Variants in FANCL observed in about 807,000 individuals in gnomAD.
FANCL encodes FA complementation group L, also known as E3 ubiquitin-protein ligase FANCL.
FANCL carries 69 observed loss-of-function variants against 59.4 expected under a neutral mutation model. The observed-to-expected ratio is 1.16, with a 90% confidence interval of 0.96 to 1.42. The LOEUF (loss-of-function observed/expected upper bound fraction) is 1.42, where lower values mean the gene tolerates loss of function less well. Among genes scored for constraint, FANCL ranks in the 40% most tolerant of loss-of-function variants. The probability of loss-of-function intolerance (pLI) is 0.00; values close to 1 mark genes in which losing one functional copy is unlikely to be tolerated. For synonymous variants in FANCL, 180 were observed against 147.1 expected (o/e 1.22, Z -1.62); for missense variants, 519 against 447.2 (o/e 1.16, Z -1.45).
intron 7 of FANCL, among the ~76,000 whole-genome samples, chr2:58,171,640 T>G (rs1011144923): frequency 6.6e-6 from 1 of 152,162 alleles, no homozygotes; most frequent in Non-Finnish European, 1.5e-5. Flanking sequence ...GATGGCCGAA[T>G]AGGAACAGCT....
intron 7 of FANCL, among the ~76,000 whole-genome samples, chr2:58,186,908 C>G (rs1688457500): frequency 1.3e-5 from 2 of 152,230 alleles, no homozygotes; most frequent in Admixed American, 6.5e-5. Context: ...ATTAAAAAGT[C>G]AGGAAACAAC....
At chr2:58,187,631 A>T (rs559333147) in intron 7 of FANCL, among the ~76,000 whole-genome samples, 1 of 152,304 alleles carries the variant, frequency 6.6e-6, no homozygotes, top group East Asian at 1.9e-4. Context: ...ATTTCTAGGC[A>T]GAAAAAGACA....
chr2:58,188,104 C>T (rs1688585583), intron 7 of FANCL, among the ~76,000 whole-genome samples: 1 of 152,070 alleles, frequency 6.6e-6, no homozygotes, highest in Non-Finnish European at 1.5e-5. Flanking sequence ...GTATATGGAT[C>T]GATGAGGTCA....
intron 7 of FANCL, among the ~76,000 whole-genome samples, chr2:58,198,028 GGTGTGTGTGTGTGTGTGC>G (rs1321018817): frequency 2.0e-5 from 3 of 150,436 alleles, no homozygotes; most frequent in Admixed American, 1.3e-4. Flanking sequence ...CAGGCTGGAT[GGTGTGTGTGTGTGTGTGC>G]GTGTGTGTGT....
intron 7 of FANCL, among the ~76,000 whole-genome samples, chr2:58,189,253 T>C (rs1688695669): frequency 6.6e-6 from 1 of 152,180 alleles, no homozygotes; most frequent in African/African-American, 2.4e-5. Context: ...TTCAGTTTAC[T>C]GTATGTCAAT....
chr2:58,204,235 C>T lies in FANCL; in HGVS notation c.375-9G>A, dbSNP rs1690345045. 6.2e-7 allele frequency: 1 copy of T among 1,606,952 alleles called. No homozygotes were observed. The highest frequency in any genetic ancestry group is 1.7e-5 in the Admixed American group (1 of 59,934). On this transcript the variant is annotated splice_polypyrimidine_tract_variant and intron_variant, in intron 5 of 13. Coordinates refer to ENST00000233741, the MANE Select transcript of FANCL (RefSeq NM_018062.4). ...TATCCGCATACACAAGTCTGGTGAG[C>T]AGAGGAGAATAAAAAATGATCACAC... is the stretch of plus-strand genomic sequence containing the variant.
intron 7 of FANCL, among the ~76,000 whole-genome samples, chr2:58,191,007 G>C (rs1461129451): frequency 6.6e-6 from 1 of 151,486 alleles, no homozygotes; most frequent in East Asian, 1.9e-4. Context: ...CAACCTATTG[G>C]ATCTTTATTC....
At chr2:58,169,640 A>G (rs1686336340) in intron 7 of FANCL, among the ~76,000 whole-genome samples, 1 of 152,002 alleles carries the variant, frequency 6.6e-6, no homozygotes, top group Non-Finnish European at 1.5e-5. Flanking sequence ...CAATGCAAGG[A>G]AGCTAAGAAC....
At chr2:58,196,758 T>G (rs1457266370) in intron 7 of FANCL, among the ~76,000 whole-genome samples, 1 of 151,924 alleles carries the variant, frequency 6.6e-6, no homozygotes, top group Non-Finnish European at 1.5e-5. Context: ...TAGAATTATC[T>G]ACATCTAAAA....
At chr2:58,236,688 A>G (rs1694057679) in intron 1 of FANCL, among the ~76,000 whole-genome samples, 1 of 152,140 alleles carries the variant, frequency 6.6e-6, no homozygotes, top group Admixed American at 6.5e-5. Context: ...GGCAATGACT[A>G]TCATATTGCA....
chr2:58,198,768 G>T, intron 6 of FANCL, 106 bp from the exon 7 acceptor site: 5 of 813,630 alleles, frequency 6.1e-6, no homozygotes, highest in Non-Finnish European at 1.0e-5. Context: ...GGTGGCTCAC[G>T]CCTGTAATCC....
intron 1 of FANCL, 112 bp downstream of exon 1, chr2:58,241,106 C>T: frequency 1.7e-6 from 2 of 1,155,930 alleles, no homozygotes; most frequent in Non-Finnish European, 1.3e-6. Flanking sequence ...CGCGCCGCCC[C>T]TCTCAATCCC....
intron 1 of FANCL, among the ~76,000 whole-genome samples, chr2:58,236,735 T>C (rs1026809370): frequency 6.6e-6 from 1 of 151,864 alleles, no homozygotes; most frequent in African/African-American, 2.4e-5. Context: ...CACTAAATAT[T>C]AAAACACAAA....
At chr2:58,196,669 T>A (rs2105084953) in intron 7 of FANCL, among the ~76,000 whole-genome samples, 1 of 152,098 alleles carries the variant, frequency 6.6e-6, no homozygotes, top group East Asian at 1.9e-4. Context: ...CTGATTTTGT[T>A]AAATAACAAA....
chr2:58,192,062 C>T (rs1364204735), intron 7 of FANCL, among the ~76,000 whole-genome samples: 1 of 151,786 alleles, frequency 6.6e-6, no homozygotes, highest in East Asian at 1.9e-4. Flanking sequence ...CTGTGAAGGT[C>T]TATAGTAAAG....
At chr2:58,179,130 T>C (rs1036722722) in intron 7 of FANCL, among the ~76,000 whole-genome samples, 3 of 152,096 alleles carry the variant, frequency 2.0e-5, no homozygotes, top group Non-Finnish European at 2.9e-5. Flanking sequence ...ATAGGAAGAA[T>C]CAATATCGTG....
upstream of FANCL, chr2:58,241,378 G>T: frequency 6.6e-7 from 1 of 1,511,138 alleles, no homozygotes; most frequent in African/African-American, 1.4e-5. Context: ...TGCGCAGTCC[G>T]CTGGCGCTCG....
intron 7 of FANCL, among the ~76,000 whole-genome samples, chr2:58,193,021 T>C (rs1325371283): frequency 6.6e-6 from 1 of 151,982 alleles, no homozygotes; most frequent in African/African-American, 2.4e-5. Context: ...ACAAAAATTT[T>C]AAAATACTTA....
intron 1 of FANCL, among the ~76,000 whole-genome samples, chr2:58,234,582 A>T (rs1021953664): frequency 2.0e-5 from 3 of 151,942 alleles, no homozygotes; most frequent in South Asian, 4.1e-4. Context: ...AGAAAAAAAA[A>T]TTTAAAAATA....
Sources: allele counts gnomAD v4.1 joint callset (sites outside exome capture counted in the v4.1 genomes callset), GRCh38; gene constraint gnomAD v4.1.1; transcripts MANE v1.5; gene names NCBI Gene and HGNC (gene_info 2026-07-23, HGNC 2026-07-21).